The following DYRK1A variants were observed in gnomAD, a reference collection of about 807,000 sequenced individuals.
DYRK1A encodes dual specificity tyrosine phosphorylation regulated kinase 1A, also known as dual specificity tyrosine-phosphorylation-regulated kinase 1A.
In DYRK1A, 9 loss-of-function variants were observed where a neutral mutation model predicts 79.7. That is an observed-to-expected ratio of 0.11 (90% confidence interval 0.07 to 0.20). DYRK1A has a LOEUF of 0.20. Among genes scored for constraint, DYRK1A ranks in the 10% least tolerant of loss-of-function variants. DYRK1A has a pLI of 1.00. For missense variants in DYRK1A, 622 were observed against 956.0 expected, an observed-to-expected ratio of 0.65 and a Z score of 4.61; for synonymous variants, 349 against 329.7, an observed-to-expected ratio of 1.06 and a Z score of -0.63.
At position 37,521,996 on chromosome 21, in the gene DYRK1A, A is replaced by G. The variant is rs1242562395; in HGVS notation, c.*9465A>G. 6.6e-6 allele frequency: 1 copy of G among 152,266 alleles called. No individual in the cohort carries two copies. The highest frequency in any genetic ancestry group is 1.5e-5 in the Non-Finnish European group (1 of 68,100). The allele number at this position is 152,266 out of a possible 1,614,324, so 9.4% of individuals were successfully genotyped here. ...GCCTGGGAATGGCCAATTTCTGGTC[A>G]TTCTCATATAGGCAACTGATGGCGA... On this transcript the variant is annotated 3_prime_UTR_variant, in exon 12 of 12. Transcript: ENST00000647188.
At position 37,367,348 on chromosome 21, in the gene DYRK1A, C is replaced by G. The variant is rs892707676; in HGVS notation, c.-357C>G. On this transcript the variant is annotated 5_prime_UTR_variant, in exon 1 of 12. Transcript: ENST00000647188. ...CCGGCCTCGCCGACGCCGCCCTCTG[C>G]GCCGGGCCGGCCGTGCGGCCCCGCC... The G allele has an allele frequency of 9.0e-3, 2 of 222 alleles. No individual in the cohort carries two copies. 0.0% of individuals were successfully genotyped at this position (222 alleles called of 1,614,324 possible).
chr21:37,484,787 A>G (rs776039025), intron 5 of DYRK1A, among the ~76,000 whole-genome samples: 7 of 152,002 alleles, frequency 4.6e-5, no homozygotes, highest in Non-Finnish European at 8.8e-5. Flanking sequence ...CTCAGATTCC[A>G]CAGAACAAGT....
At chr21:37,368,309 G>A (rs571716446) in intron 1 of DYRK1A, among the ~76,000 whole-genome samples, 7 of 152,222 alleles carry the variant, frequency 4.6e-5, no homozygotes, top group South Asian at 2.1e-4. Flanking sequence ...ATAGATACCT[G>A]TGTATCGCCA....
chr21:37,424,965 C>T (rs1227899997), intron 2 of DYRK1A, among the ~76,000 whole-genome samples: 1 of 152,144 alleles, frequency 6.6e-6, no homozygotes, highest in Admixed American at 6.6e-5. Context: ...AGAAGAATCT[C>T]TTATTTTGGA....
At chr21:37,460,359 A>T (rs1220363617) in intron 2 of DYRK1A, among the ~76,000 whole-genome samples, 1 of 152,168 alleles carries the variant, frequency 6.6e-6, no homozygotes, top group African/African-American at 2.4e-5. Flanking sequence ...GTTTTAAGCC[A>T]TGGGGAGGCA....
At chr21:37,483,886 G>GGGAC (rs2148592251) in intron 5 of DYRK1A, among the ~76,000 whole-genome samples, 1 of 152,032 alleles carries the variant, frequency 6.6e-6, no homozygotes, top group African/African-American at 2.4e-5. Flanking sequence ...CCTGGCCTGG[G>GGGAC]AGTCCCTCTT....
chr21:37,485,410 G>A (rs1328612319), intron 5 of DYRK1A, among the ~76,000 whole-genome samples: 1 of 151,956 alleles, frequency 6.6e-6, no homozygotes, highest in African/African-American at 2.4e-5. Context: ...CCAGAGATTA[G>A]TGCATTTTTT....
At position 37,471,532 on chromosome 21, in the gene DYRK1A, TGC is replaced by T. The variant is rs1569353497; in HGVS notation, c.11-1151_11-1150del. On this transcript the variant is annotated intron_variant, in intron 2 of 11. Transcript: ENST00000647188. Reference sequence around the variant, plus strand: ...AGATAACATTGGGCCATTTATTAATTGCCAGAGCTGTTCTGAGTATGTTGTAT... The same window carrying T: ...AGATAACATTGGGCCATTTATTAATTCAGAGCTGTTCTGAGTATGTTGTAT... 9.6e-3 allele frequency among the ~76,000 whole-genome samples: 1,465 copies of T among 152,358 alleles called. 22 individuals are homozygous for T. Among genetic ancestry groups the T allele is most frequent in the African/African-American group, 0.034 (1,402 of 41,574 alleles).
intron 1 of DYRK1A, among the ~76,000 whole-genome samples, chr21:37,393,105 A>G (rs1338299061): frequency 1.3e-5 from 2 of 152,254 alleles, no homozygotes; most frequent in Non-Finnish European, 2.9e-5. Context: ...TTTGGGGGAC[A>G]CATTCAGACC....
At chr21:37,385,740 T>C (rs1174523951) in intron 1 of DYRK1A, among the ~76,000 whole-genome samples, 1 of 152,228 alleles carries the variant, frequency 6.6e-6, no homozygotes, top group Non-Finnish European at 1.5e-5. Context: ...GCTATTAGGC[T>C]TTATTGCTTT....
chr21:37,394,878 T>A (rs2049932803), intron 1 of DYRK1A, among the ~76,000 whole-genome samples: 1 of 152,216 alleles, frequency 6.6e-6, no homozygotes, highest in Non-Finnish European at 1.5e-5. Context: ...AAATCCTGAA[T>A]ATGTACTTCG....
chr21:37,383,992 C>G (rs1227593415), intron 1 of DYRK1A, among the ~76,000 whole-genome samples: 1 of 152,096 alleles, frequency 6.6e-6, no homozygotes, highest in African/African-American at 2.4e-5. Context: ...GAACTGTTTT[C>G]AGATATCAGA....
At chr21:37,406,589 C>T (rs542388629) in intron 1 of DYRK1A, among the ~76,000 whole-genome samples, 4 of 151,926 alleles carry the variant, frequency 2.6e-5, no homozygotes, top group South Asian at 2.1e-4. Context: ...GTAATCCCAG[C>T]GACTTGAGTG....
chr21:37,490,366 T>G lies in DYRK1A; in HGVS notation c.829T>G (p.Cys277Gly). 6.2e-7 allele frequency: 1 copy of G among 1,613,764 alleles called. No individual in the cohort carries two copies. The highest frequency in any genetic ancestry group is 8.5e-7 in the Non-Finnish European group (1 of 1,179,752). Residue 277 changes from cysteine to glycine, a missense_variant, in exon 7 of 12, where the codon TGT (cysteine) becomes GGT (glycine). Cys to Gly is a radical substitution (Grantham distance 159, BLOSUM62 -3). Transcript: ENST00000647188. ...LATPELSIIH[C>G]DLKPENILLC... ...GACTCCAGAACTTAGTATCATTCAC[T>G]GTGATCTAAAACCTGAAAATATCCT...
At chr21:37,375,452 A>G (rs1432531870) in intron 1 of DYRK1A, among the ~76,000 whole-genome samples, 1 of 151,340 alleles carries the variant, frequency 6.6e-6, no homozygotes, top group Non-Finnish European at 1.5e-5. Flanking sequence ...ATTTCATTAG[A>G]TTAAGATAAA....
chr21:37,365,824 C>T, upstream of DYRK1A: 1 of 152,618 alleles, frequency 6.6e-6, no homozygotes, highest in Non-Finnish European at 1.5e-5. Context: ...AGGCAGGCTG[C>T]GCCCCGAAAG....
At chr21:37,366,229 G>C (rs931365171), upstream of DYRK1A, 5 of 150,266 alleles carry the variant, frequency 3.3e-5, no homozygotes, top group African/African-American at 1.2e-4. Context: ...GGCTTCCCGG[G>C]TCCCCGCCCG....
At position 37,518,259 on chromosome 21, in the gene DYRK1A, C is replaced by T. The variant is rs2053900842; in HGVS notation, c.*5728C>T. ...ATGTACATCACAGACAAGCCTTGTT[C>T]TGCTGAAGAGGTGATGCCACGAGGT... On this transcript the variant is annotated 3_prime_UTR_variant, in exon 12 of 12. Coordinates refer to ENST00000647188, the MANE Select transcript of DYRK1A (RefSeq NM_001347721.2). 6.6e-6 allele frequency: 1 copy of T among 152,236 alleles called. No homozygotes were observed. The highest frequency in any genetic ancestry group is 2.4e-5 in the African/African-American group (1 of 41,452). The allele number at this position is 152,236 out of a possible 1,614,324, so 9.4% of individuals were successfully genotyped here.
rs1270773895 is a variant in DYRK1A, at chr21:37,427,562, C to G, written c.10+7178C>G. Reference sequence around the variant, plus strand: ...GGTTCCCCATTTTTGCTAATTAGTTCATGAACAATGTTTAAGTGGATACTA... The same window carrying G: ...GGTTCCCCATTTTTGCTAATTAGTTGATGAACAATGTTTAAGTGGATACTA... On this transcript the variant is annotated intron_variant, in intron 2 of 11. Coordinates refer to ENST00000647188, the MANE Select transcript of DYRK1A (RefSeq NM_001347721.2). Among the ~76,000 whole-genome samples the G allele has an allele frequency of 2.0e-5, 3 of 152,140 alleles. No individual in the cohort carries two copies. In the East Asian group the frequency reaches 5.8e-4, roughly 29 times the overall value.
Sources: allele counts gnomAD v4.1 joint callset (sites outside exome capture counted in the v4.1 genomes callset), GRCh38; gene constraint gnomAD v4.1.1; transcripts MANE v1.5; gene names NCBI Gene and HGNC (gene_info 2026-07-23, HGNC 2026-07-21).